COL6A1: variants seen among roughly 807,000 people sequenced by gnomAD.
The protein encoded by COL6A1 is collagen type VI alpha 1 chain.
A neutral mutation model predicts 145.6 loss-of-function variants in COL6A1; 80 were observed. That is an observed-to-expected ratio of 0.55 (90% confidence interval 0.46 to 0.66). The LOEUF (loss-of-function observed/expected upper bound fraction) is 0.66, where lower values mean the gene tolerates loss of function less well. Among genes scored for constraint, COL6A1 ranks in the 30% least tolerant of loss-of-function variants. COL6A1 has a pLI of 0.00. For synonymous variants in COL6A1, 638 were observed against 622.8 expected (o/e 1.02, Z -0.36); for missense variants, 1,364 against 1,473.8 (o/e 0.93, Z 1.22).
At chr21:45,991,974 C>A (rs1165626855) in intron 15 of COL6A1, 36 bp from the exon 16 acceptor site, 2 of 1,554,116 alleles carry the variant, frequency 1.3e-6, no homozygotes, top group East Asian at 4.8e-5. Context: ...GGTGCACACC[C>A]CTGCCAGCGT....
intron 20 of COL6A1, among the ~76,000 whole-genome samples, chr21:45,995,872 G>C (rs1465914553): frequency 1.3e-5 from 2 of 152,216 alleles, no homozygotes; most frequent in African/African-American, 2.4e-5. Flanking sequence ...CGGGGGTGTG[G>C]ATAGGTGGCT....
In COL6A1 at chr21:46,002,721, G is replaced by T. The variant is rs779722978; in HGVS notation, c.2434+11G>T. On this transcript the variant is annotated intron_variant, in intron 33 of 34. Coordinates refer to ENST00000361866, the MANE Select transcript of COL6A1 (RefSeq NM_001848.3). The stretch of plus-strand genomic sequence containing the variant: ...CCCAGATCTGCATAGGTGCGCATGG[G>T]GCCACCCGGGCAGTCCCAGATCTGC... 4 of 1,561,336 alleles carry T rather than the reference G, an allele frequency of 2.6e-6. No individual in the cohort carries two copies. The East Asian group carries it at 6.8e-5, about 27-fold the overall frequency.
At chr21:45,984,241 T>G (rs1298980927) in intron 2 of COL6A1, 28 bp from the exon 3 acceptor site, 1 of 1,582,646 alleles carries the variant, frequency 6.3e-7, no homozygotes, top group Non-Finnish European at 8.6e-7. Context: ...GCCGCCCGCC[T>G]CACGCCCGCC....
intron 25 of COL6A1, 89 bp from the exon 26 acceptor site, chr21:45,999,064 C>T (rs530689375): frequency 6.5e-5 from 100 of 1,540,796 alleles, no homozygotes; most frequent in Non-Finnish European, 8.4e-5. Flanking sequence ...GCCTCATGGG[C>T]CCCGGCTGCT....
intron 34 of COL6A1, 77 bp downstream of exon 34, chr21:46,003,226 C>G: frequency 6.2e-7 from 1 of 1,609,892 alleles, no homozygotes; most frequent in Non-Finnish European, 8.5e-7. Flanking sequence ...GGACGGGGCT[C>G]TGGGAGGAGG....
At position 46,002,298 on chromosome 21, in the gene COL6A1, C is replaced by T. The variant is rs755589190; in HGVS notation, c.2147C>T (p.Pro716Leu). 1.3e-5 allele frequency: 20 copies of T among 1,593,564 alleles called. No individual in the cohort carries two copies. In the Middle Eastern group the frequency reaches 8.3e-4, roughly 66 times the overall value. The change falls in exon 32 of 35, where the codon CCG (proline) becomes CTG (leucine). Residue 716 changes from proline (P) to leucine (L), a missense_variant. Coordinates refer to ENST00000361866, the MANE Select transcript of COL6A1 (RefSeq NM_001848.3). ...CAGTACACGCGGGACCAGCTGCTGC[C>T]GCCCAGCCCGAACAACCGCATCGCC... ...ALQYTRDQLL[P>L]PSPNNRIALV...
rs1385619636 is a variant in COL6A1, at chr21:46,003,766, C to T, written c.2840C>T (p.Ser947Leu). ...CTGCTGCTCTTCTCAGATGGCAACT[C>T]GCAGGGCGCCACGCCCGCTGCCATC... ...KRLLLFSDGN[S>L]QGATPAAIEK... The change falls in exon 35 of 35, where the codon TCG becomes TTG. Residue 947 changes from serine to leucine, a missense_variant. Coordinates refer to ENST00000361866, the MANE Select transcript of COL6A1 (RefSeq NM_001848.3). 15 of 1,612,636 alleles carry T rather than the reference C, an allele frequency of 9.3e-6. No homozygotes were observed. Among genetic ancestry groups the T allele is most frequent in the African/African-American group, 4.0e-5 (3 of 74,946 alleles).
chr21:45,996,958 C>T (rs1346437394), intron 20 of COL6A1, among the ~76,000 whole-genome samples: 1 of 152,142 alleles, frequency 6.6e-6, no homozygotes. Context: ...CAGGCCAGGC[C>T]CAAAGGGGAC....
intron 15 of COL6A1, among the ~76,000 whole-genome samples, chr21:45,991,416 C>T (rs1603591429): frequency 1.4e-5 from 2 of 138,530 alleles, no homozygotes; most frequent in East Asian, 2.4e-4. Flanking sequence ...CTGAGGGTGG[C>T]GAGTGGGCGG....
At position 46,001,198 on chromosome 21, in the gene COL6A1, G is replaced by T. The variant is rs1323315030; in HGVS notation, c.1823-55G>T. The T allele has an allele frequency of 2.5e-6, 4 of 1,585,516 alleles. No individual in the cohort carries two copies. In the African/African-American group the frequency reaches 4.0e-5, roughly 16 times the overall value. On this transcript the variant is annotated intron_variant, in intron 29 of 34. Coordinates refer to ENST00000361866, the MANE Select transcript of COL6A1 (RefSeq NM_001848.3). ...AGGGGCCAGGGCGGTGGAGGGGAGG[G>T]GCCAGGGCACTGGAGGGGAGGGGCG...
In COL6A1 at chr21:46,003,401, C is replaced by T. The variant is rs1009381380; in HGVS notation, c.2475C>T (p.Ser825=). ...CPDYTCPITF[S]SPADITILLD... ...CACCCCGCCCCGCAGTCACGTTCTCCTCCCCGGCTGACATCACCATCCTGC... is the reference window on the plus strand; with the variant it reads ...CACCCCGCCCCGCAGTCACGTTCTCTTCCCCGGCTGACATCACCATCCTGC... The change falls in exon 35 of 35, where the codon TCC becomes TCT. Residue 825 remains serine, a synonymous_variant. Transcript: ENST00000361866. 6.2e-7 allele frequency: 1 copy of T among 1,600,932 alleles called. No individual in the cohort carries two copies. Among genetic ancestry groups the T allele is most frequent in the Admixed American group, 1.7e-5 (1 of 60,018 alleles).
In COL6A1 at chr21:46,003,593, G is replaced by A. The variant is rs1053315; in HGVS notation, c.2667G>A (p.Ala889=). Residue 889 remains alanine, a synonymous_variant, in exon 35 of 35, where the codon GCG becomes GCA. Coordinates refer to ENST00000361866, the MANE Select transcript of COL6A1 (RefSeq NM_001848.3). ...CGGGCCAGCAGCGCCCAGAGCGGGC[G>A]TCGCTGCAGTTCCTGCAGAACTACA... ...SGTGQQRPER[A]SLQFLQNYTA... is the part of the protein sequence containing the mutation. 488,821 of 1,612,626 alleles carry A rather than the reference G, an allele frequency of 0.3. 75,792 individuals are homozygous for A. The highest frequency in any genetic ancestry group is 0.4 in the African/African-American group (29,960 of 75,000).
At position 46,003,849 on chromosome 21, in the gene COL6A1, G is replaced by A; in HGVS notation, c.2923G>A (p.Gly975Ser). 6.2e-7 allele frequency: 1 copy of A among 1,601,520 alleles called. No individual in the cohort carries two copies. The highest frequency in any genetic ancestry group is 8.5e-7 in the Non-Finnish European group (1 of 1,171,020). ...CATCGAGATCTTCGTGGTGGTCGTG[G>A]GCCGCCAGGTGAATGAGCCCCACAT... ...AGIEIFVVVVGRQVNEPHIRV... is the reference protein window; with the variant it reads ...AGIEIFVVVVSRQVNEPHIRV... The change falls in exon 35 of 35, where the codon GGC becomes AGC. Residue 975 changes from glycine to serine, a missense_variant. Gly to Ser is a moderately conservative substitution (Grantham distance 56, BLOSUM62 0). Around this residue, in one of 3 missense-constraint regions of COL6A1, gnomAD observed 938 missense variants for 1,003.8 expected, o/e 0.93. Coordinates refer to ENST00000361866, the MANE Select transcript of COL6A1 (RefSeq NM_001848.3).
chr21:45,999,067 C>T (rs549276522), intron 25 of COL6A1, 86 bp from the exon 26 acceptor site: 26 of 1,541,800 alleles, frequency 1.7e-5, no homozygotes, highest in African/African-American at 5.5e-5. Context: ...TCATGGGCCC[C>T]GGCTGCTGGA....
At chr21:45,995,891 A>G (rs1024485436) in intron 20 of COL6A1, among the ~76,000 whole-genome samples, 5 of 152,028 alleles carry the variant, frequency 3.3e-5, no homozygotes, top group Non-Finnish European at 5.9e-5. Context: ...CTTTGGAGCC[A>G]CATTTGTCCA....
chr21:45,995,399 C>A (rs563047477), intron 20 of COL6A1, among the ~76,000 whole-genome samples: 1 of 152,188 alleles, frequency 6.6e-6, no homozygotes, highest in Admixed American at 6.5e-5. Context: ...TGGAAGAGGC[C>A]ATGCAGCCAG....
Position 45,994,228 on chromosome 21 carries a change from C to T in COL6A1, c.1397C>T (p.Pro466Leu), listed in dbSNP as rs746962124. ...REGPVGVPGD[P>L]GEAGPIGPKG... The stretch of plus-strand genomic sequence containing the variant: ...GGCCCCGTTGGTGTCCCTGGAGACC[C>T]GGTAGGAAGCGCTGTGGGGTTGGGG... Residue 466 changes from proline (P) to leucine (L), a missense_variant and splice_region_variant, in exon 20 of 35, where the codon CCG becomes CTG. Physicochemically the swap from Pro to Leu is moderately conservative, Grantham distance 98. Transcript: ENST00000361866. The surrounding 1 kb of genome is among the most constrained non-coding windows in gnomAD (Gnocchi z 6.8). The T allele has an allele frequency of 1.1e-5, 18 of 1,608,606 alleles. No homozygotes were observed. The highest frequency in any genetic ancestry group is 6.8e-5 in the Admixed American group (4 of 59,198).
At chr21:45,986,408 A>G in intron 3 of COL6A1, 118 bp from the exon 4 acceptor site, 5 of 968,388 alleles carry the variant, frequency 5.2e-6, no homozygotes, top group Non-Finnish European at 8.0e-6. Flanking sequence ...AGCCAGGATC[A>G]GCAAAGAGAG....
Position 45,991,738 on chromosome 21 carries a change from C to T in COL6A1, c.1120-272C>T, listed in dbSNP as rs890280632. 3.3e-5 allele frequency among the ~76,000 whole-genome samples: 5 copies of T among 152,318 alleles called. No homozygotes were observed. The South Asian group carries it at 6.2e-4, about 19-fold the overall frequency. On this transcript the variant is annotated intron_variant, in intron 15 of 34. Coordinates refer to ENST00000361866, the MANE Select transcript of COL6A1 (RefSeq NM_001848.3). ...TGAGTTTGCCAATTTGCCAGCCTGGCAAAGCTGTGCCTTCTCTAATGGGAA... is the reference window on the plus strand; with the variant it reads ...TGAGTTTGCCAATTTGCCAGCCTGGTAAAGCTGTGCCTTCTCTAATGGGAA...
Sources: allele counts gnomAD v4.1 joint callset (sites outside exome capture counted in the v4.1 genomes callset), GRCh38; gene constraint gnomAD v4.1.1; regional missense constraint gnomAD v4.1.1; non-coding constraint Gnocchi (gnomAD v3.1); transcripts MANE v1.5; gene names NCBI Gene and HGNC (gene_info 2026-07-23, HGNC 2026-07-21).